The following KNTC1 variants were observed in gnomAD, a reference collection of about 807,000 sequenced individuals.
KNTC1 encodes the protein kinetochore-associated protein 1.
In KNTC1, 253 loss-of-function variants were observed where a neutral mutation model predicts 314.4. That is an observed-to-expected ratio of 0.80 (90% CI 0.73 to 0.89). KNTC1 has a LOEUF of 0.89. Among genes scored for constraint, KNTC1 ranks in the 40% least tolerant of loss-of-function variants. The pLI, the probability that KNTC1 is intolerant of heterozygous loss-of-function variation, is 0.00. For synonymous variants in KNTC1, 901 were observed against 901.4 expected (o/e 1.00, Z 0.01); for missense variants, 2,475 against 2,572.9 (o/e 0.96, Z 0.82).
chr12:122,617,167 A>G (rs908599908), intron 57 of KNTC1, among the ~76,000 whole-genome samples: 5 of 152,208 alleles, frequency 3.3e-5, no homozygotes, highest in South Asian at 2.1e-4. Flanking sequence ...TAATGCTGCT[A>G]TGAACATTTG....
At chr12:122,564,404 C>T (rs966693256) in intron 20 of KNTC1, among the ~76,000 whole-genome samples, 6 of 152,020 alleles carry the variant, frequency 3.9e-5, no homozygotes, top group Admixed American at 2.6e-4. Flanking sequence ...ATTATAGAAT[C>T]GTATAAAAAT....
intron 2 of KNTC1, 44 bp downstream of exon 2, chr12:122,530,236 T>G (rs1961204272): frequency 1.3e-6 from 2 of 1,587,804 alleles, no homozygotes; most frequent in South Asian, 1.1e-5. Context: ...GAATTTTTAC[T>G]GAGTGCTTAG....
At chr12:122,557,305 C>A in intron 16 of KNTC1, 79 bp from the exon 17 acceptor site, 2 of 1,392,912 alleles carry the variant, frequency 1.4e-6, no homozygotes, top group Non-Finnish European at 2.0e-6. Flanking sequence ...GTTTGTTTCA[C>A]TCAGCTTACT....
chr12:122,544,395 AG>A lies in KNTC1; in HGVS notation c.669+128del, dbSNP rs1323611616. ...CCGAAACAAGGAAATTATAAAATTA[AG>A]GTAATTAAAAATAACTCAATAAATA... On this transcript the variant is annotated intron_variant, in intron 8 of 63. Transcript: ENST00000333479. 5.4e-6 allele frequency: 3 copies of A among 552,164 alleles called. No individual in the cohort carries two copies. The African/African-American group carries it at 6.1e-5, about 11-fold the overall frequency. 34.2% of individuals were successfully genotyped at this position (552,164 alleles called of 1,614,324 possible).
intron 27 of KNTC1, among the ~76,000 whole-genome samples, chr12:122,574,922 A>G (rs942050308): frequency 1.3e-5 from 2 of 152,196 alleles, no homozygotes; most frequent in African/African-American, 4.8e-5. Context: ...TCACACTGTT[A>G]TTGCCACTAT....
intron 60 of KNTC1, among the ~76,000 whole-genome samples, chr12:122,621,267 T>G (rs1417697170): frequency 6.6e-6 from 1 of 152,210 alleles, no homozygotes; most frequent in Non-Finnish European, 1.5e-5. Context: ...TTTGGAATGT[T>G]TTACAGTTAT....
chr12:122,612,569 C>T (rs1416903347), intron 53 of KNTC1, among the ~76,000 whole-genome samples: 3 of 151,922 alleles, frequency 2.0e-5, no homozygotes, highest in Non-Finnish European at 4.4e-5. Flanking sequence ...CAGGCACGTG[C>T]TACCACACCC....
At chr12:122,563,768 C>T in intron 20 of KNTC1, 2 of 1,457,936 alleles carry the variant, frequency 1.4e-6, no homozygotes, top group East Asian at 5.0e-5. Flanking sequence ...TCTTGTAACG[C>T]CAGTCGTGCC....
intron 38 of KNTC1, among the ~76,000 whole-genome samples, 185 bp downstream of exon 38, chr12:122,586,942 G>A (rs1424453477): frequency 3.3e-5 from 5 of 151,924 alleles, no homozygotes; most frequent in Non-Finnish European, 7.4e-5. Context: ...AGCCTCCCAA[G>A]TAGCTGGGAT....
chr12:122,537,689 G>A (rs978351629), intron 3 of KNTC1, among the ~76,000 whole-genome samples: 20 of 151,864 alleles, frequency 1.3e-4, no homozygotes, highest in Non-Finnish European at 2.6e-4. Flanking sequence ...AAGTGCTGGG[G>A]TTACAGGTGT....
At chr12:122,539,464 G>A (rs1273740868) in intron 4 of KNTC1, among the ~76,000 whole-genome samples, 4 of 152,320 alleles carry the variant, frequency 2.6e-5, no homozygotes, top group Non-Finnish European at 4.4e-5. Flanking sequence ...GCCAGGTTTA[G>A]TAGGCTTGTG....
chr12:122,566,297 G>T (rs376782338), intron 20 of KNTC1, among the ~76,000 whole-genome samples: 1 of 149,862 alleles, frequency 6.7e-6, no homozygotes, highest in African/African-American at 2.5e-5. Context: ...GCCCAGGCTC[G>T]AGTGCGGTGG....
At chr12:122,531,864 G>A (rs771834788) in intron 2 of KNTC1, among the ~76,000 whole-genome samples, 4 of 151,742 alleles carry the variant, frequency 2.6e-5, no homozygotes, top group Non-Finnish European at 5.9e-5. Flanking sequence ...CTCTCAAGTA[G>A]CTGGGACTAC....
intron 54 of KNTC1, 87 bp downstream of exon 54, chr12:122,613,317 G>T (rs1301914449): frequency 1.1e-6 from 1 of 883,376 alleles, no homozygotes; most frequent in East Asian, 2.4e-5. Flanking sequence ...ATTCAGAAGA[G>T]CATAGTAGAG....
chr12:122,543,662 T>G, intron 7 of KNTC1, 28 bp downstream of exon 7: 1 of 1,384,890 alleles, frequency 7.2e-7, no homozygotes, highest in Non-Finnish European at 9.9e-7. Context: ...TATTGTCCTC[T>G]TAAAAAAATT....
intron 20 of KNTC1, among the ~76,000 whole-genome samples, chr12:122,567,178 A>G (rs189909710): frequency 1.1e-4 from 16 of 151,736 alleles, no homozygotes; most frequent in African/African-American, 3.6e-4. Context: ...GGTTCAATCA[A>G]TTCTGCCTCA....
At chr12:122,609,174 G>T (rs1329518643) in intron 51 of KNTC1, 7 of 545,968 alleles carry the variant, frequency 1.3e-5, no homozygotes, top group South Asian at 5.0e-5. Flanking sequence ...CTATCATATA[G>T]TAAGTGCTCA....
intron 3 of KNTC1, among the ~76,000 whole-genome samples, chr12:122,535,807 G>A (rs966779963): frequency 2.6e-5 from 4 of 151,558 alleles, no homozygotes; most frequent in African/African-American, 7.3e-5. Context: ...CAGAGTGACA[G>A]TCGTGTCTCA....
chr12:122,571,747 G>A (rs1446599406), intron 24 of KNTC1, among the ~76,000 whole-genome samples: 1 of 151,666 alleles, frequency 6.6e-6, no homozygotes, highest in Non-Finnish European at 1.5e-5. Context: ...TCAGCTCACT[G>A]CAACCACCCC....
Sources: allele counts gnomAD v4.1 joint callset (sites outside exome capture counted in the v4.1 genomes callset), GRCh38; gene constraint gnomAD v4.1.1; transcripts MANE v1.5; gene names NCBI Gene and HGNC (gene_info 2026-07-23, HGNC 2026-07-21).